The following MUSK variants were observed in gnomAD, a reference collection of about 807,000 sequenced individuals.
The protein encoded by MUSK is muscle associated receptor tyrosine kinase, also known as muscle, skeletal receptor tyrosine-protein kinase.
A neutral mutation model predicts 88.7 loss-of-function variants in MUSK; 55 were observed. The observed-to-expected ratio is 0.62, with a 90% CI of 0.50 to 0.78. MUSK has a LOEUF of 0.78. MUSK is among the 30% of genes least tolerant of loss of function. MUSK has a pLI of 0.00. For missense variants in MUSK, 1,015 were observed against 1,074.3 expected (o/e 0.94, Z 0.77); for synonymous variants, 387 against 391.9 (o/e 0.99, Z 0.15).
chr9:110,762,182 A>G lies in MUSK; in HGVS notation c.914-20A>G. ...TCCTTTAATTTGACTTCCTGTGGGA[A>G]CTTCCTTTCCTGTTAATAGAATGGA... On this transcript the variant is annotated intron_variant, in intron 7 of 14. Coordinates refer to ENST00000374448, the MANE Select transcript of MUSK (RefSeq NM_005592.4). 1 of 1,440,356 alleles carries G rather than the reference A, an allele frequency of 6.9e-7. No individual in the cohort carries two copies. Among genetic ancestry groups the G allele is most frequent in the South Asian group, 1.6e-5 (1 of 63,438 alleles). 89.2% of individuals were successfully genotyped at this position (1,440,356 alleles called of 1,614,324 possible).
At position 110,706,164 on chromosome 9, in the gene MUSK, CA is replaced by C. The variant is rs533552960; in HGVS notation, c.628+8700del. The C allele has an allele frequency of 2.7e-3, 1,350 of 500,894 alleles. 10 individuals carry two copies. Among genetic ancestry groups the C allele is most frequent in the Non-Finnish European group, 4.7e-3 (1,163 of 245,810 alleles). The allele number at this position is 500,894 out of a possible 1,614,324, so 31.0% of individuals were successfully genotyped here. On this transcript the variant is annotated intron_variant, in intron 5 of 14. Transcript: ENST00000374448. ...GTCCCCAAATATGAGAATGAATATA[CA>C]ATGATAAAACAAAAATAAATCAACC...
Position 110,800,818 on chromosome 9 carries a change from T to G in MUSK, c.2440T>G (p.Tyr814Asp), listed in dbSNP as rs2078084758. The G allele has an allele frequency of 6.2e-7, 1 of 1,613,252 alleles. No individual in the cohort carries two copies. Among genetic ancestry groups the G allele is most frequent in the South Asian group, 1.1e-5 (1 of 91,052 alleles). The change falls in exon 15 of 15, where the codon TAC (tyrosine) becomes GAC (aspartate). Residue 814 changes from tyrosine (Y) to aspartate (D), a missense_variant. Tyr to Asp is a radical substitution (Grantham distance 160). Transcript: ENST00000374448. Reference sequence around the variant, plus strand: ...GATGGCCCATGAGGAGGTCATTTACTACGTGCGAGATGGCAACATCCTCTC... The same window carrying G: ...GATGGCCCATGAGGAGGTCATTTACGACGTGCGAGATGGCAACATCCTCTC... ...YGMAHEEVIYYVRDGNILSCP... is the reference protein window; with the variant it reads ...YGMAHEEVIYDVRDGNILSCP...
chr9:110,798,267 T>C (rs923636844), intron 14 of MUSK, among the ~76,000 whole-genome samples: 1 of 152,224 alleles, frequency 6.6e-6, no homozygotes, highest in Non-Finnish European at 1.5e-5. Context: ...TTTATATATT[T>C]GATACATCAG....
chr9:110,748,871 A>G (rs1026375278), intron 7 of MUSK, among the ~76,000 whole-genome samples: 4 of 152,204 alleles, frequency 2.6e-5, no homozygotes, highest in Admixed American at 6.5e-5. Context: ...GAAGACTTCA[A>G]AATTAAGGTT....
chr9:110,676,218 T>C (rs886125690), intron 1 of MUSK, among the ~76,000 whole-genome samples: 1 of 151,688 alleles, frequency 6.6e-6, no homozygotes, highest in African/African-American at 2.4e-5. Flanking sequence ...AAATTACACA[T>C]AATGCTCATA....
rs2078127973 is a variant in MUSK at position 110,804,002 on chromosome 9, A to T, written c.*3014A>T. Among the ~76,000 whole-genome samples the T allele has an allele frequency of 6.6e-6, 1 of 152,298 alleles. No individual in the cohort carries two copies. The highest frequency in any genetic ancestry group is 2.1e-4 in the South Asian group (1 of 4,828). The stretch of plus-strand genomic sequence containing the variant: ...AAGATACCAGAGTATTTTTCACATG[A>T]CACCCAAAAACATATTCTCTGCTAT... On this transcript the variant is annotated 3_prime_UTR_variant, in exon 15 of 15. Transcript: ENST00000374448.
At chr9:110,779,015 C>T (rs193170029) in intron 11 of MUSK, among the ~76,000 whole-genome samples, 178 of 151,688 alleles carry the variant, frequency 1.2e-3, no homozygotes, top group African/African-American at 4.1e-3. Context: ...TAATGATCAG[C>T]TACTATTTTG....
At chr9:110,671,144 A>T (rs934091018) in intron 1 of MUSK, among the ~76,000 whole-genome samples, 1 of 151,918 alleles carries the variant, frequency 6.6e-6, no homozygotes, top group East Asian at 1.9e-4. Context: ...GCTAATTTTT[A>T]TATTTTTAGT....
chr9:110,734,156 C>A, intron 5 of MUSK, 95 bp from the exon 6 acceptor site: 2 of 1,383,436 alleles, frequency 1.4e-6, no homozygotes, highest in Non-Finnish European at 2.0e-6. Flanking sequence ...GAACTGCACA[C>A]AGGGGAACAT....
At chr9:110,742,553 T>C (rs923371788) in intron 6 of MUSK, among the ~76,000 whole-genome samples, 1 of 152,184 alleles carries the variant, frequency 6.6e-6, no homozygotes, top group African/African-American at 2.4e-5. Context: ...GTATATACTT[T>C]TTAAATTTCT....
intron 5 of MUSK, among the ~76,000 whole-genome samples, chr9:110,708,444 G>T (rs547455525): frequency 2.0e-5 from 3 of 152,030 alleles, no homozygotes; most frequent in Non-Finnish European, 4.4e-5. Flanking sequence ...AGTCCTAATT[G>T]TTTGATGCCA....
intron 14 of MUSK, among the ~76,000 whole-genome samples, chr9:110,789,638 G>A (rs2077937917): frequency 6.6e-6 from 1 of 152,156 alleles, no homozygotes; most frequent in Admixed American, 6.5e-5. Flanking sequence ...AATTAGCCGG[G>A]TGTGGTGGCA....
At chr9:110,797,797 T>C (rs2846440) in intron 14 of MUSK, among the ~76,000 whole-genome samples, 13,313 of 152,218 alleles carry the variant, frequency 0.087, 1,383 homozygotes, top group African/African-American at 0.24. Flanking sequence ...ATTTAGTCAT[T>C]AAACAAACAT....
intron 6 of MUSK, among the ~76,000 whole-genome samples, chr9:110,745,545 T>C (rs554169989): frequency 1.3e-5 from 2 of 152,230 alleles, no homozygotes; most frequent in South Asian, 2.1e-4. Context: ...TTTTTTCTTA[T>C]TGTTGCTTTG....
rs2075922654 is a variant in MUSK at position 110,668,924 on chromosome 9, T to C, written c.20T>C (p.Ile7Thr). MRELVN[I>T]PLVHILTLVA... ...TTAATCATGAGAGAGCTCGTCAACA[T>C]TCCACTGGTACATATTCTTACTCTG... is the stretch of plus-strand genomic sequence containing the variant. The change falls in exon 1 of 15, where the codon ATT becomes ACT. Residue 7 changes from isoleucine to threonine, a missense_variant. By Grantham distance (89) the Ile-to-Thr change is moderately conservative. Transcript: ENST00000374448. 7.4e-6 allele frequency: 12 copies of C among 1,613,808 alleles called. No individual in the cohort carries two copies. Among genetic ancestry groups the C allele is most frequent in the Non-Finnish European group, 1.0e-5 (12 of 1,179,712 alleles).
intron 7 of MUSK, among the ~76,000 whole-genome samples, chr9:110,750,053 G>A (rs986689338): frequency 1.4e-5 from 2 of 145,470 alleles, no homozygotes; most frequent in Non-Finnish European, 3.1e-5. Context: ...TAACATATAT[G>A]TATGTATGTG....
At chr9:110,696,042 C>T (rs991363006) in intron 4 of MUSK, among the ~76,000 whole-genome samples, 1 of 152,120 alleles carries the variant, frequency 6.6e-6, no homozygotes, top group Non-Finnish European at 1.5e-5. Context: ...AATTCCAGCA[C>T]TTCAGGATGC....
intron 7 of MUSK, among the ~76,000 whole-genome samples, chr9:110,755,010 G>A (rs766466639): frequency 3.9e-5 from 6 of 152,152 alleles, no homozygotes; most frequent in Non-Finnish European, 1.5e-5. Context: ...AACCCAGCCT[G>A]CCTATCTCAG....
intron 5 of MUSK, among the ~76,000 whole-genome samples, chr9:110,724,596 C>G (rs1242923786): frequency 6.6e-6 from 1 of 152,008 alleles, no homozygotes; most frequent in Admixed American, 6.6e-5. Flanking sequence ...CTAGAGAAAT[C>G]AAACTTCAAG....
Sources: allele counts gnomAD v4.1 joint callset (sites outside exome capture counted in the v4.1 genomes callset), GRCh38; gene constraint gnomAD v4.1.1; transcripts MANE v1.5; gene names NCBI Gene and HGNC (gene_info 2026-07-23, HGNC 2026-07-21).